Variants in FSTL5 observed in about 807,000 individuals in gnomAD.
FSTL5 encodes the protein follistatin-related protein 5.
FSTL5 carries 62 observed loss-of-function variants against 89.1 expected under a neutral mutation model. That is an observed-to-expected ratio of 0.70 (90% CI 0.57 to 0.86). FSTL5 has a LOEUF of 0.86. FSTL5 is among the 40% of genes least tolerant of loss of function. The probability of loss-of-function intolerance (pLI) is 0.00; values close to 1 mark genes in which losing one functional copy is unlikely to be tolerated. For missense variants in FSTL5, 1,057 were observed against 1,001.6 expected (o/e 1.06, Z -0.75); for synonymous variants, 383 against 346.2 (o/e 1.11, Z -1.18).
rs536931695 is a variant in FSTL5, at chr4:161,603,234, T to C, written c.895-15659A>G. Among the ~76,000 whole-genome samples, 141 of 152,244 alleles carry C rather than the reference T, an allele frequency of 9.3e-4. 1 individual carries two copies. The highest frequency in any genetic ancestry group is 7.5e-3 in the South Asian group (36 of 4,828). On this transcript the variant is annotated intron_variant, in intron 7 of 15. Coordinates refer to ENST00000306100, the MANE Select transcript of FSTL5 (RefSeq NM_020116.5). Reference sequence around the variant, plus strand: ...TTTCAGACCATTGCAATCAAGTGAATATGGCAATAGAGAGACCCACACAAT... The same window carrying C: ...TTTCAGACCATTGCAATCAAGTGAACATGGCAATAGAGAGACCCACACAAT...
chr4:162,007,787 GAACA>G (rs2111122366), intron 3 of FSTL5, among the ~76,000 whole-genome samples: 1 of 151,918 alleles, frequency 6.6e-6, no homozygotes, highest in South Asian at 2.1e-4. Flanking sequence ...AAAACATAAA[GAACA>G]AACTACAGCT....
chr4:161,727,300 A>G (rs1272541680), intron 6 of FSTL5, among the ~76,000 whole-genome samples: 1 of 152,188 alleles, frequency 6.6e-6, no homozygotes, highest in Non-Finnish European at 1.5e-5. Context: ...AATATATTCT[A>G]AAATGATTTG....
intron 4 of FSTL5, among the ~76,000 whole-genome samples, chr4:161,902,643 C>T (rs1000075514): frequency 2.0e-5 from 3 of 151,990 alleles, no homozygotes; most frequent in East Asian, 1.9e-4. Flanking sequence ...GTCAGGAGAT[C>T]GAGACCATCC....
chr4:161,393,925 T>A (rs891072798), intron 15 of FSTL5, among the ~76,000 whole-genome samples: 2 of 152,076 alleles, frequency 1.3e-5, no homozygotes, highest in African/African-American at 4.8e-5. Flanking sequence ...AGAAACCATA[T>A]TAGCGAGCCT....
intron 15 of FSTL5, 135 bp downstream of exon 15, chr4:161,454,869 A>G (rs1156554345): frequency 2.7e-6 from 2 of 737,490 alleles, no homozygotes; most frequent in Non-Finnish European, 4.4e-6. Flanking sequence ...CAGTAAGCAG[A>G]TATGACAAAG....
At chr4:161,929,660 C>CGTGTGTGTGTGTGTGT (rs765281533) in intron 3 of FSTL5, among the ~76,000 whole-genome samples, 3 of 126,936 alleles carry the variant, frequency 2.4e-5, no homozygotes, top group East Asian at 2.5e-4. Context: ...TAGGTAGGCA[C>CGTGTGTGTGTGTGTGT]GTGTGTGTGT....
chr4:162,154,608 T>C (rs1399358022), intron 1 of FSTL5, among the ~76,000 whole-genome samples: 1 of 152,120 alleles, frequency 6.6e-6, no homozygotes, highest in African/African-American at 2.4e-5. Context: ...TGGTTCTCAG[T>C]CAGAGACCAA....
intron 8 of FSTL5, among the ~76,000 whole-genome samples, chr4:161,583,657 C>G (rs4691012): frequency 0.98 from 149,297 of 152,244 alleles, 73,266 homozygotes; most frequent in Middle Eastern, 1. Flanking sequence ...GTGGTTAAGA[C>G]TAGAACTGGC....
rs1227671465 is a variant in FSTL5 at position 161,656,487 on chromosome 4, G to T, written c.735C>A (p.Ile245=). 4 of 1,583,082 alleles carry T rather than the reference G, an allele frequency of 2.5e-6. No homozygotes were observed. Among genetic ancestry groups the T allele is most frequent in the Admixed American group, 1.8e-5 (1 of 54,700 alleles). ...TCTGATCTTCTGGCAGACTCAACTG[G>T]ATCACTTCTGTAAAGATGAAGTGTC... ...LEEFYRAFQV[I]QLSLPEDQKL... is the part of the protein sequence containing the mutation. The change falls in exon 7 of 16, where the codon ATC becomes ATA. Residue 245 remains isoleucine (I), a synonymous_variant. Transcript: ENST00000306100.
chr4:162,086,613 T>G (rs993914533), intron 2 of FSTL5, among the ~76,000 whole-genome samples: 1 of 151,958 alleles, frequency 6.6e-6, no homozygotes, highest in African/African-American at 2.4e-5. Flanking sequence ...TAATGCCAAA[T>G]TTATAGTTTA....
intron 15 of FSTL5, among the ~76,000 whole-genome samples, chr4:161,403,802 G>C (rs562433493): frequency 6.6e-6 from 1 of 152,274 alleles, no homozygotes; most frequent in South Asian, 2.1e-4. Context: ...GGTAGTGAAC[G>C]TCAAAGGTCT....
intron 13 of FSTL5, among the ~76,000 whole-genome samples, chr4:161,466,404 G>C (rs113617027): frequency 3.9e-5 from 6 of 152,130 alleles, no homozygotes; most frequent in African/African-American, 1.4e-4. Flanking sequence ...CTTGCGGTTT[G>C]GTCTTGACAT....
intron 6 of FSTL5, among the ~76,000 whole-genome samples, chr4:161,748,615 T>G (rs950246446): frequency 2.7e-5 from 4 of 149,880 alleles, no homozygotes; most frequent in South Asian, 4.2e-4. Context: ...CGTTTTTTTT[T>G]TTTTTTTTTT....
At chr4:162,134,774 A>T (rs2111466066) in intron 1 of FSTL5, among the ~76,000 whole-genome samples, 1 of 152,292 alleles carries the variant, frequency 6.6e-6, no homozygotes, top group Non-Finnish European at 1.5e-5. Context: ...CTCACAACTC[A>T]ATCTTATGCA....
chr4:161,988,362 C>T (rs531051020), intron 3 of FSTL5, among the ~76,000 whole-genome samples: 11 of 152,106 alleles, frequency 7.2e-5, no homozygotes, highest in Admixed American at 4.6e-4. Context: ...AATAAAAGTT[C>T]ATACAGGAAA....
At chr4:161,652,046 A>G (rs1736359134) in intron 7 of FSTL5, among the ~76,000 whole-genome samples, 1 of 152,046 alleles carries the variant, frequency 6.6e-6, no homozygotes, top group African/African-American at 2.4e-5. Context: ...CAGTGGTTAA[A>G]CTCCTGCTCT....
rs755647924 is a variant in FSTL5, at chr4:161,992,904, GTATATA to G, written c.160+40715_160+40720del. ...TATATATATATATATATATGTGTGT[GTATATA>G]TATATATATATATATGTGTGTATAT... On this transcript the variant is annotated intron_variant, in intron 3 of 15. Coordinates refer to ENST00000306100, the MANE Select transcript of FSTL5 (RefSeq NM_020116.5). 1.7e-3 allele frequency among the ~76,000 whole-genome samples: 108 copies of G among 62,294 alleles called. 4 individuals are homozygous for G. Among genetic ancestry groups the G allele is most frequent in the South Asian group, 5.1e-3 (11 of 2,168 alleles). The allele number at this position is 62,294 out of a possible 152,430, so 40.9% of individuals were successfully genotyped here. A position where few individuals can be genotyped will look rare whatever the true frequency, so the allele number is the denominator to read the frequency against.
At chr4:161,618,858 C>A (rs1734995583) in intron 7 of FSTL5, among the ~76,000 whole-genome samples, 1 of 152,126 alleles carries the variant, frequency 6.6e-6, no homozygotes, top group Non-Finnish European at 1.5e-5. Flanking sequence ...TCATATGACA[C>A]CAAAAAAGAG....
chr4:161,465,560 C>T (rs1733721386), intron 13 of FSTL5, among the ~76,000 whole-genome samples: 1 of 152,144 alleles, frequency 6.6e-6, no homozygotes, highest in African/African-American at 2.4e-5. Context: ...CAGCTACAGA[C>T]AAGTGCCACC....
Sources: allele counts gnomAD v4.1 joint callset (sites outside exome capture counted in the v4.1 genomes callset), GRCh38; gene constraint gnomAD v4.1.1; transcripts MANE v1.5; gene names NCBI Gene and HGNC (gene_info 2026-07-23, HGNC 2026-07-21).